Variants in DCAF6 observed in about 807,000 individuals in gnomAD.
The protein encoded by DCAF6 is DDB1 and CUL4 associated factor 6, also known as DDB1- and CUL4-associated factor 6.
DCAF6 carries 54 observed loss-of-function variants against 125.1 expected under a neutral mutation model. The ratio of observed to expected loss-of-function variants is 0.43; its 90% CI spans 0.35 to 0.54. The LOEUF (loss-of-function observed/expected upper bound fraction) is 0.54. Among genes scored for constraint, DCAF6 ranks in the 20% least tolerant of loss-of-function variants. The probability of loss-of-function intolerance (pLI) is 0.01; values close to 1 mark genes in which losing one functional copy is unlikely to be tolerated. For missense variants in DCAF6, 934 were observed against 1,161.7 expected (o/e 0.80, Z 2.85); for synonymous variants, 371 against 390.4 (o/e 0.95, Z 0.58).
the DCAF6 span, among the ~76,000 whole-genome samples, chr1:167,868,032 AT>A: frequency 6.6e-6 from 1 of 152,228 alleles, no homozygotes; most frequent in Non-Finnish European, 1.5e-5. Context: ...CTGGGCGTCG[AT>A]AAAAAAGGAC....
intron 17 of DCAF6, among the ~76,000 whole-genome samples, chr1:168,053,975 TA>T (rs1254882814): frequency 2.0e-5 from 3 of 152,240 alleles, no homozygotes; most frequent in South Asian, 2.1e-4. Flanking sequence ...TAATACATTG[TA>T]AGGCAAAGAA....
At chr1:167,946,875 C>T (rs1177513178) in intron 1 of DCAF6, among the ~76,000 whole-genome samples, 2 of 151,954 alleles carry the variant, frequency 1.3e-5, no homozygotes, top group Non-Finnish European at 2.9e-5. Flanking sequence ...GTTATCAGGG[C>T]GATAATGGCC....
At chr1:167,887,203 C>T in the DCAF6 span, among the ~76,000 whole-genome samples, 11 of 152,106 alleles carry the variant, frequency 7.2e-5, no homozygotes, top group African/African-American at 2.4e-4. Flanking sequence ...TGGGTATGTA[C>T]CCAAAGGATT....
In DCAF6 at chr1:168,045,134, C is replaced by A; in HGVS notation, c.2165C>A (p.Ser722Tyr). ...GGGCCTTCAGCTCATGAAGAAACAT[C>A]CACCAGGGACTCTGCTCTTCAGGAC... The part of the protein sequence containing the change: ...ATGPSAHEET[S>Y]TRDSALQDTD... Residue 722 changes from serine (S) to tyrosine (Y), a missense_variant, in exon 16 of 22, where the codon TCC becomes TAC. Physicochemically the swap from Ser to Tyr is moderately radical, Grantham distance 144 (BLOSUM62 -2). Around this residue, in one of 5 missense-constraint regions of DCAF6, gnomAD observed 559 missense variants for 635.5 expected, o/e 0.88. Coordinates refer to ENST00000367840, the MANE Select transcript of DCAF6 (RefSeq NM_001198956.2). 1 of 1,613,996 alleles carries A rather than the reference C, an allele frequency of 6.2e-7. No homozygotes were observed. Among genetic ancestry groups the A allele is most frequent in the Non-Finnish European group, 8.5e-7 (1 of 1,179,926 alleles).
chr1:168,024,804 CAAAA>C (rs76178208), intron 12 of DCAF6, among the ~76,000 whole-genome samples: 4 of 74,900 alleles, frequency 5.3e-5, no homozygotes, highest in Admixed American at 1.6e-4. Context: ...ACTCTGTATC[CAAAA>C]AAAAAAAAAA....
At chr1:167,995,857 C>T (rs1681593132) in intron 7 of DCAF6, among the ~76,000 whole-genome samples, 1 of 152,136 alleles carries the variant, frequency 6.6e-6, no homozygotes. Flanking sequence ...GCCTACTATA[C>T]ACCAAGTCCT....
chr1:167,977,084 A>G (rs1678354063), intron 4 of DCAF6, among the ~76,000 whole-genome samples: 1 of 150,344 alleles, frequency 6.7e-6, no homozygotes, highest in African/African-American at 2.4e-5. Flanking sequence ...TATTTTTTTT[A>G]GGAGAGATGG....
chr1:167,879,557 C>T, the DCAF6 span, among the ~76,000 whole-genome samples: 1 of 152,188 alleles, frequency 6.6e-6, no homozygotes, highest in East Asian at 1.9e-4. Context: ...ATACACTCCC[C>T]ACCCTGTGTA....
At chr1:167,909,513 C>T in the DCAF6 span, among the ~76,000 whole-genome samples, 1 of 152,230 alleles carries the variant, frequency 6.6e-6, no homozygotes, top group South Asian at 2.1e-4. Flanking sequence ...CAGCCCAACA[C>T]AAATTTGTAA....
upstream of DCAF6, chr1:167,936,059 C>T (rs1671168333): frequency 1.2e-5 from 7 of 580,984 alleles, no homozygotes; most frequent in South Asian, 2.0e-5. Flanking sequence ...CGACTGCCAG[C>T]CCCCGGTCCG....
At chr1:167,971,956 A>G (rs1677383876) in intron 3 of DCAF6, among the ~76,000 whole-genome samples, 1 of 152,126 alleles carries the variant, frequency 6.6e-6, no homozygotes, top group Admixed American at 6.5e-5. Flanking sequence ...CCCGGGTTCA[A>G]GTGATTCTCG....
chr1:168,062,122 C>T (rs537379501), intron 17 of DCAF6, among the ~76,000 whole-genome samples: 2 of 152,178 alleles, frequency 1.3e-5, no homozygotes, highest in South Asian at 4.2e-4. Context: ...ATCTTACAAA[C>T]ATAATTCTGA....
At chr1:168,010,630 T>G (rs994556692) in intron 10 of DCAF6, among the ~76,000 whole-genome samples, 6 of 152,140 alleles carry the variant, frequency 3.9e-5, no homozygotes, top group Non-Finnish European at 5.9e-5. Flanking sequence ...AACAAAAGAC[T>G]GCTTTTTAAA....
intron 11 of DCAF6, among the ~76,000 whole-genome samples, chr1:168,016,243 T>C (rs1199637989): frequency 1.3e-5 from 2 of 152,194 alleles, no homozygotes; most frequent in African/African-American, 4.8e-5. Context: ...TTTGAATAAT[T>C]AGTGAATTTA....
intron 1 of DCAF6, among the ~76,000 whole-genome samples, chr1:167,942,982 C>T (rs994432310): frequency 2.6e-5 from 4 of 152,166 alleles, no homozygotes; most frequent in African/African-American, 7.2e-5. Flanking sequence ...TCTTGGCTCA[C>T]TACAAGCTCC....
the DCAF6 span, among the ~76,000 whole-genome samples, chr1:167,877,164 T>C: frequency 4.9e-4 from 75 of 151,660 alleles, no homozygotes; most frequent in African/African-American, 1.8e-3. Context: ...ACTATAGATA[T>C]GGCCATAGAC....
At chr1:168,024,176 C>G (rs2103252895) in intron 12 of DCAF6, 1 of 149,822 alleles carries the variant, frequency 6.7e-6, no homozygotes, top group African/African-American at 2.5e-5. Context: ...ATGATTGTAC[C>G]ACTGCACTCC....
intron 12 of DCAF6, among the ~76,000 whole-genome samples, chr1:168,034,149 T>C (rs547111439): frequency 1.3e-5 from 2 of 152,326 alleles, no homozygotes; most frequent in South Asian, 4.1e-4. Context: ...TAGTTACTTA[T>C]CTAAGTAATC....
At chr1:167,895,653 G>A in the DCAF6 span, among the ~76,000 whole-genome samples, 1 of 152,134 alleles carries the variant, frequency 6.6e-6, no homozygotes, top group Non-Finnish European at 1.5e-5. Flanking sequence ...ACAAAAATCT[G>A]TCCTAGAATT....
Sources: gnomAD v4.1 joint callset for allele counts (sites outside exome capture counted in the v4.1 genomes callset) on GRCh38, gnomAD v4.1.1 for gene constraint, gnomAD v4.1.1 regional missense constraint, MANE v1.5 for transcripts, NCBI Gene and HGNC (gene_info 2026-07-23, HGNC 2026-07-21) for gene names.